The following TNFSF13B variants were observed in gnomAD, a reference collection of about 807,000 sequenced individuals.
The protein encoded by TNFSF13B is tumor necrosis factor ligand superfamily member 13B.
A neutral mutation model predicts 29.1 loss-of-function variants in TNFSF13B; 8 were observed. That is an observed-to-expected ratio of 0.27 (90% CI 0.16 to 0.50). The LOEUF (loss-of-function observed/expected upper bound fraction) is 0.50, where lower values mean the gene tolerates loss of function less well. Ranked by LOEUF, TNFSF13B falls within the 20% of genes least tolerant of loss-of-function variation. TNFSF13B has a pLI of 0.98. For synonymous variants in TNFSF13B, 125 were observed against 130.8 expected (o/e 0.96, Z 0.30); for missense variants, 248 against 334.9 (o/e 0.74, Z 2.03).
chr13:108,272,977 A>G (rs1299813153), intron 2 of TNFSF13B, among the ~76,000 whole-genome samples: 3 of 152,122 alleles, frequency 2.0e-5, no homozygotes, highest in Admixed American at 6.6e-5. Flanking sequence ...ACTTTTATGT[A>G]TTTGTGTTTT....
chr13:108,276,186 T>C (rs1880758549), intron 2 of TNFSF13B, among the ~76,000 whole-genome samples: 1 of 152,208 alleles, frequency 6.6e-6, no homozygotes, highest in African/African-American at 2.4e-5. Flanking sequence ...ATCCAGCCCT[T>C]ATCAAAATTA....
chr13:108,283,549 TA>T (rs2139051234), intron 2 of TNFSF13B, among the ~76,000 whole-genome samples: 1 of 152,322 alleles, frequency 6.6e-6, no homozygotes, highest in East Asian at 1.9e-4. Context: ...CTGTGGAGAC[TA>T]AAAAGGAGAC....
At chr13:108,303,037 A>G (rs1881669544) in intron 3 of TNFSF13B, 1 of 513,496 alleles carries the variant, frequency 1.9e-6, no homozygotes, top group African/African-American at 2.0e-5. Context: ...AGGTTCTTGT[A>G]TCTGATATAT....
intron 2 of TNFSF13B, among the ~76,000 whole-genome samples, chr13:108,278,959 A>G (rs1345925561): frequency 6.6e-6 from 1 of 152,160 alleles, no homozygotes; most frequent in Non-Finnish European, 1.5e-5. Context: ...GAGATTCAAA[A>G]ATGTATTATT....
At position 108,285,380 on chromosome 13, in the gene TNFSF13B, A is replaced by T. The variant is rs538393235; in HGVS notation, c.425-1423A>T. 1.4e-4 allele frequency among the ~76,000 whole-genome samples: 22 copies of T among 152,284 alleles called. No individual in the cohort carries two copies. The South Asian group carries it at 4.4e-3, about 30-fold the overall frequency. On this transcript the variant is annotated intron_variant, in intron 2 of 5. Coordinates refer to ENST00000375887, the MANE Select transcript of TNFSF13B (RefSeq NM_006573.5). ...AGGGATACATTCTGCATCCCTGGGC[A>T]ATTTCATCATTGTGCAAACATCAGA...
intron 3 of TNFSF13B, among the ~76,000 whole-genome samples, chr13:108,302,319 T>C (rs1881648505): frequency 6.6e-6 from 1 of 152,196 alleles, no homozygotes; most frequent in African/African-American, 2.4e-5. Context: ...TTTATCCTTA[T>C]ATTACAGTCC....
chr13:108,288,275 A>T (rs1287276128), intron 3 of TNFSF13B, among the ~76,000 whole-genome samples: 1 of 152,214 alleles, frequency 6.6e-6, no homozygotes, highest in African/African-American at 2.4e-5. Flanking sequence ...TTAATTAAGA[A>T]TATACAATAT....
At chr13:108,290,023 C>G (rs755532931) in intron 3 of TNFSF13B, among the ~76,000 whole-genome samples, 41 of 152,170 alleles carry the variant, frequency 2.7e-4, no homozygotes, top group Admixed American at 5.9e-4. Context: ...ACTCACCTCA[C>G]TTTCAGTTTC....
At chr13:108,284,257 A>G (rs1257964200) in intron 2 of TNFSF13B, among the ~76,000 whole-genome samples, 1 of 152,212 alleles carries the variant, frequency 6.6e-6, no homozygotes, top group Non-Finnish European at 1.5e-5. Context: ...TGAGCGCGGG[A>G]GGCGGAGCTT....
In TNFSF13B at chr13:108,269,885, C is replaced by T. The variant is rs1416913560; in HGVS notation, c.-11C>T. 3.8e-6 allele frequency: 6 copies of T among 1,589,300 alleles called. No homozygotes were observed. The highest frequency in any genetic ancestry group is 5.1e-6 in the Non-Finnish European group (6 of 1,169,544). ...TCTAAAGGCCCCAACCTTCAAAGTT[C>T]AAGTAGTGATATGGATGACTCCACA... On this transcript the variant is annotated 5_prime_UTR_variant, in exon 1 of 6. The change creates a premature stop within an existing upstream ORF in the 5' untranslated region. Transcript: ENST00000375887.
intron 3 of TNFSF13B, among the ~76,000 whole-genome samples, chr13:108,288,135 T>G (rs1471543927): frequency 6.6e-6 from 1 of 152,202 alleles, no homozygotes. Context: ...TCGACCTCTC[T>G]CTGAAAGCAA....
intron 2 of TNFSF13B, among the ~76,000 whole-genome samples, chr13:108,279,836 C>T (rs1299933800): frequency 6.6e-6 from 1 of 152,048 alleles, no homozygotes; most frequent in Non-Finnish European, 1.5e-5. Flanking sequence ...CCAACATCAC[C>T]CTCTGCATAG....
At position 108,269,977 on chromosome 13, in the gene TNFSF13B, G is replaced by T; in HGVS notation, c.82G>T (p.Val28Phe). 1.2e-6 allele frequency: 2 copies of T among 1,613,636 alleles called. No individual in the cohort carries two copies. The highest frequency in any genetic ancestry group is 2.2e-5 in the East Asian group (1 of 44,862). The part of the protein sequence containing the change: ...KREEMKLKEC[V>F]SILPRKESPS... ...AGAAGAAATGAAACTGAAGGAGTGT[G>T]TTTCCATCCTCCCACGGAAGGAAAG... The change falls in exon 1 of 6, where the codon GTT (valine) becomes TTT (phenylalanine). Residue 28 changes from valine (V) to phenylalanine (F), a missense_variant. By Grantham distance (50) the Val-to-Phe change is conservative. Around this residue, in one of 2 missense-constraint regions of TNFSF13B, gnomAD observed 186 missense variants for 196.3 expected, o/e 0.95. Coordinates refer to ENST00000375887, the MANE Select transcript of TNFSF13B (RefSeq NM_006573.5).
At chr13:108,292,283 A>G (rs1425510497) in intron 3 of TNFSF13B, among the ~76,000 whole-genome samples, 1 of 152,100 alleles carries the variant, frequency 6.6e-6, no homozygotes, top group African/African-American at 2.4e-5. Context: ...AGGTTCACCC[A>G]CATTCTAGCA....
chr13:108,286,083 C>T (rs1440974244), intron 2 of TNFSF13B, among the ~76,000 whole-genome samples: 2 of 152,152 alleles, frequency 1.3e-5, no homozygotes, highest in Non-Finnish European at 2.9e-5. Context: ...TGGAAGTCTT[C>T]CATTTTATTT....
intron 3 of TNFSF13B, among the ~76,000 whole-genome samples, chr13:108,289,512 G>A (rs1254359287): frequency 6.7e-6 from 1 of 149,292 alleles, no homozygotes; most frequent in East Asian, 1.9e-4. Context: ...AGACTTCTGG[G>A]AAAAGATAAT....
At chr13:108,289,953 C>CA (rs947760004) in intron 3 of TNFSF13B, among the ~76,000 whole-genome samples, 6 of 151,764 alleles carry the variant, frequency 4.0e-5, no homozygotes, top group South Asian at 2.1e-4. Context: ...TCACACGTTG[C>CA]AAAAAATAAA....
intron 5 of TNFSF13B, among the ~76,000 whole-genome samples, 166 bp downstream of exon 5, chr13:108,303,770 C>T (rs1594535900): frequency 6.6e-6 from 1 of 152,078 alleles, no homozygotes; most frequent in Non-Finnish European, 1.5e-5. Flanking sequence ...ATAAGCTAGT[C>T]TGTTTTAATT....
intron 3 of TNFSF13B, among the ~76,000 whole-genome samples, chr13:108,289,375 C>T (rs1881239382): frequency 6.6e-6 from 1 of 151,870 alleles, no homozygotes; most frequent in African/African-American, 2.4e-5. Context: ...TCAGCAAACC[C>T]TTGACCAGTA....
Sources: gnomAD v4.1 joint callset for allele counts (sites outside exome capture counted in the v4.1 genomes callset) on GRCh38, gnomAD v4.1.1 for gene constraint, gnomAD v4.1.1 regional missense constraint, MANE v1.5 for transcripts, NCBI Gene and HGNC (gene_info 2026-07-23, HGNC 2026-07-21) for gene names.